Variants in NAALADL2 observed in about 807,000 individuals in gnomAD.
NAALADL2 encodes N-acetylated alpha-linked acidic dipeptidase like 2.
A neutral mutation model predicts 87.2 loss-of-function variants in NAALADL2; 76 were observed. The observed-to-expected ratio is 0.87, with a 90% CI of 0.72 to 1.05. The LOEUF (loss-of-function observed/expected upper bound fraction) is 1.05. NAALADL2 is among the 50% of genes least tolerant of loss of function. The probability of loss-of-function intolerance (pLI) is 0.00; values close to 1 mark genes in which losing one functional copy is unlikely to be tolerated. For synonymous variants in NAALADL2, 354 were observed against 331.0 expected, an observed-to-expected ratio of 1.07 and a Z score of -0.75; for missense variants, 1,089 against 945.8, an observed-to-expected ratio of 1.15 and a Z score of -1.99.
rs754648798 is a variant in NAALADL2, at chr3:175,324,160, G to T, written c.940-15G>T. The T allele has an allele frequency of 6.2e-7, 1 of 1,610,396 alleles. No individual in the cohort carries two copies. Among genetic ancestry groups the T allele is most frequent in the East Asian group, 2.2e-5 (1 of 44,674 alleles). ...TGCATGATAATATTTTTAATAGCTT[G>T]CTTCCCTCTTTTAGCTTTCCTCATT... On this transcript the variant is annotated splice_polypyrimidine_tract_variant and intron_variant, in intron 4 of 13. Coordinates refer to ENST00000454872, the MANE Select transcript of NAALADL2 (RefSeq NM_207015.3).
At chr3:175,006,420 A>G (rs925830854) in intron 1 of NAALADL2, among the ~76,000 whole-genome samples, 1 of 152,162 alleles carries the variant, frequency 6.6e-6, no homozygotes, top group Non-Finnish European at 1.5e-5. Flanking sequence ...ATGTGCAGTA[A>G]ATACTCTTTG....
intron 2 of NAALADL2, among the ~76,000 whole-genome samples, chr3:175,144,258 G>A (rs1730439714): frequency 6.6e-6 from 1 of 151,882 alleles, no homozygotes; most frequent in African/African-American, 2.4e-5. Flanking sequence ...AGTGTGCAGA[G>A]TTAAAATGGA....
In NAALADL2 at chr3:174,533,224, C is replaced by CT. The variant is rs1388626253; in HGVS notation, c.-183-17343dup. ...TCAGGAATAAAGGCTCTCGTGCCCC[C>CT]TTGTTCAGGTGTGCTCTCATGGCGA... is the stretch of plus-strand genomic sequence containing the variant. On this transcript the variant is annotated intron_variant, in intron 1 of 3. Coordinates refer to the NAALADL2 transcript ENST00000434257. Among the ~76,000 whole-genome samples, 3 of 150,878 alleles carry CT rather than the reference C, an allele frequency of 2.0e-5. 1 individual carries two copies. Among genetic ancestry groups the CT allele is most frequent in the African/African-American group, 7.3e-5 (3 of 40,888 alleles).
intron 2 of NAALADL2, among the ~76,000 whole-genome samples, chr3:175,150,838 G>A (rs1056610816): frequency 9.2e-5 from 14 of 152,120 alleles, no homozygotes; most frequent in African/African-American, 1.9e-4. Context: ...TGTCAAATAC[G>A]CAGTAGTGAA....
intron 3 of NAALADL2, among the ~76,000 whole-genome samples, chr3:174,791,698 A>AT (rs1157097034): frequency 1.3e-5 from 2 of 152,084 alleles, no homozygotes; most frequent in Admixed American, 6.6e-5. Flanking sequence ...GTTCCTTCAC[A>AT]TTTTTTTGTT....
intron 12 of NAALADL2, among the ~76,000 whole-genome samples, chr3:175,751,564 C>T (rs537883249): frequency 3.3e-4 from 50 of 152,130 alleles, no homozygotes; most frequent in Non-Finnish European, 5.2e-4. Context: ...TCCAAGGAAG[C>T]TGAAGGCCTG....
At chr3:175,790,019 T>C (rs1200517376) in intron 13 of NAALADL2, among the ~76,000 whole-genome samples, 2 of 152,154 alleles carry the variant, frequency 1.3e-5, no homozygotes, top group Non-Finnish European at 2.9e-5. Context: ...TTTAGTTATC[T>C]CAGATTTCAT....
At chr3:175,654,072 G>C (rs1053018409) in intron 11 of NAALADL2, among the ~76,000 whole-genome samples, 1 of 152,250 alleles carries the variant, frequency 6.6e-6, no homozygotes, top group South Asian at 2.1e-4. Flanking sequence ...CTGACCCCTG[G>C]ATTTTATCAT....
chr3:175,079,509 G>A (rs190488989), intron 1 of NAALADL2: 2 of 152,100 alleles, frequency 1.3e-5, no homozygotes, highest in African/African-American at 2.4e-5. Context: ...TGTTGAAAAA[G>A]TATGCTAGGT....
intron 11 of NAALADL2, among the ~76,000 whole-genome samples, chr3:175,652,529 A>G (rs906214811): frequency 1.5e-5 from 2 of 136,546 alleles, no homozygotes; most frequent in Admixed American, 1.6e-4. Flanking sequence ...CCCAGGCTGG[A>G]GTGCAGTGGT....
chr3:175,452,939 C>G (rs80029170), intron 6 of NAALADL2, among the ~76,000 whole-genome samples: 1,782 of 152,192 alleles, frequency 0.012, 34 homozygotes, highest in African/African-American at 0.04. Context: ...TGACGCAGAT[C>G]TGACATTCAC....
chr3:174,471,325 A>G (rs1716888445), intron 1 of NAALADL2, among the ~76,000 whole-genome samples: 1 of 152,052 alleles, frequency 6.6e-6, no homozygotes, highest in African/African-American at 2.4e-5. Context: ...GCAGTTTGTA[A>G]GCCTATGTAG....
intron 2 of NAALADL2, among the ~76,000 whole-genome samples, chr3:175,107,958 TAA>T (rs11284556): frequency 2.0e-5 from 3 of 151,472 alleles, no homozygotes; most frequent in Non-Finnish European, 4.4e-5. Flanking sequence ...TTCTTATCTA[TAA>T]AAAAAATGGT....
intron 1 of NAALADL2, among the ~76,000 whole-genome samples, chr3:174,478,978 G>A (rs559300324): frequency 6.6e-6 from 1 of 152,274 alleles, no homozygotes; most frequent in East Asian, 1.9e-4. Flanking sequence ...CAAAGTGTTG[G>A]GATCACAGGC....
At chr3:175,555,718 A>C (rs1303070871) in intron 9 of NAALADL2, among the ~76,000 whole-genome samples, 1 of 152,180 alleles carries the variant, frequency 6.6e-6, no homozygotes, top group Non-Finnish European at 1.5e-5. Flanking sequence ...ATATAACATA[A>C]ATATCTCTGA....
chr3:174,892,341 T>C (rs114724448), intron 1 of NAALADL2, among the ~76,000 whole-genome samples: 352 of 152,112 alleles, frequency 2.3e-3, no homozygotes, highest in Non-Finnish European at 4.4e-3. Flanking sequence ...AGAGAAGAAA[T>C]TCAGAATTCT....
chr3:174,897,343 A>T (rs960437133), intron 1 of NAALADL2, among the ~76,000 whole-genome samples: 2 of 152,158 alleles, frequency 1.3e-5, no homozygotes, highest in South Asian at 4.1e-4. Flanking sequence ...TAATCTTATC[A>T]AAAAGTGGGC....
chr3:174,934,330 T>C (rs950390658), intron 1 of NAALADL2, among the ~76,000 whole-genome samples: 2 of 152,188 alleles, frequency 1.3e-5, no homozygotes, highest in Non-Finnish European at 2.9e-5. Context: ...TATCCATTTT[T>C]AACTATTAAC....
chr3:174,604,416 A>G (rs1718770891), intron 2 of NAALADL2, among the ~76,000 whole-genome samples: 1 of 152,046 alleles, frequency 6.6e-6, no homozygotes, highest in African/African-American at 2.4e-5. Flanking sequence ...GGAATGGAAT[A>G]TCTTTTTCCA....
Sources: gnomAD v4.1 joint callset for allele counts (sites outside exome capture counted in the v4.1 genomes callset) on GRCh38, gnomAD v4.1.1 for gene constraint, MANE v1.5 for transcripts, NCBI Gene and HGNC (gene_info 2026-07-23, HGNC 2026-07-21) for gene names.